Variants in LRRC37A2 observed in about 807,000 individuals in gnomAD.
LRRC37A2 encodes the protein leucine rich repeat containing 37 member A2.
In LRRC37A2, 9 loss-of-function variants were observed where a neutral mutation model predicts 68.8. That is an observed-to-expected ratio of 0.13 (90% CI 0.08 to 0.23). LRRC37A2 has a LOEUF of 0.23. Ranked by LOEUF, LRRC37A2 falls within the 10% of genes least tolerant of loss-of-function variation. The pLI is 1.00. For missense variants in LRRC37A2, 168 were observed against 950.4 expected (o/e 0.18, Z 10.82); for synonymous variants, 63 against 367.6 (o/e 0.17, Z 9.48).
chr17:46,648,481 CA>C, the LRRC37A2 span, among the ~76,000 whole-genome samples: 1 of 125,508 alleles, frequency 8.0e-6, no homozygotes, highest in Non-Finnish European at 1.5e-5. Flanking sequence ...CATTTATAGA[CA>C]GACTTTAAGA....
At chr17:46,823,136 A>T in the LRRC37A2 span, among the ~76,000 whole-genome samples, 2 of 132,900 alleles carry the variant, frequency 1.5e-5, no homozygotes, top group South Asian at 2.2e-4. Context: ...TATTATATAT[A>T]TTATATTATA....
chr17:46,801,346 A>G, the LRRC37A2 span, among the ~76,000 whole-genome samples: 1 of 152,228 alleles, frequency 6.6e-6, no homozygotes, highest in African/African-American at 2.4e-5. Flanking sequence ...GTGGCCGGGC[A>G]CGGTGGCTCA....
chr17:46,812,452 C>T, the LRRC37A2 span, among the ~76,000 whole-genome samples: 3 of 152,196 alleles, frequency 2.0e-5, no homozygotes, highest in Non-Finnish European at 4.4e-5. Context: ...GCAACTTCTG[C>T]TCAGGCTGCT....
At chr17:46,892,184 G>A in the LRRC37A2 span, among the ~76,000 whole-genome samples, 1 of 152,032 alleles carries the variant, frequency 6.6e-6, no homozygotes. Context: ...CTCCCAAAGT[G>A]CTGGGATTAC....
At chr17:46,946,284 A>C in the LRRC37A2 span, among the ~76,000 whole-genome samples, 2 of 6,638 alleles carry the variant, frequency 3.0e-4, no homozygotes, top group Admixed American at 0.01. Context: ...AAAAATACCA[A>C]AAAAAAAAAA....
At chr17:46,804,971 G>C in the LRRC37A2 span, among the ~76,000 whole-genome samples, 1 of 120,566 alleles carries the variant, frequency 8.3e-6, no homozygotes, top group Non-Finnish European at 1.6e-5. Context: ...CGCCTTCCAT[G>C]CTGTGGAAAC....
chr17:46,941,813 TG>T, the LRRC37A2 span: 1 of 342,094 alleles, frequency 2.9e-6, no homozygotes, highest in Non-Finnish European at 4.1e-6. Flanking sequence ...CTTAAACTCC[TG>T]GCCTCAAGTG....
chr17:47,028,704 T>A, the LRRC37A2 span, among the ~76,000 whole-genome samples: 15 of 151,838 alleles, frequency 9.9e-5, no homozygotes, highest in Non-Finnish European at 2.2e-4. Flanking sequence ...GGTCAGGAAT[T>A]CAACACCAGC....
intron 6 of LRRC37A2, among the ~76,000 whole-genome samples, chr17:46,539,212 GAAAAAAAA>G (rs1166753209): frequency 2.0e-4 from 8 of 40,030 alleles, no homozygotes; most frequent in African/African-American, 3.0e-4. Flanking sequence ...CTCCATCTCA[GAAAAAAAA>G]AAAAAAAAAA....
the LRRC37A2 span, among the ~76,000 whole-genome samples, chr17:46,498,521 T>TACAGA: frequency 3.6e-5 from 5 of 137,690 alleles, no homozygotes; most frequent in African/African-American, 1.6e-4. Context: ...TTCAAGTAAC[T>TACAGA]ACAGAACATC....
chr17:46,458,259 C>T, the LRRC37A2 span, among the ~76,000 whole-genome samples: 1 of 108,786 alleles, frequency 9.2e-6, no homozygotes, highest in Non-Finnish European at 2.1e-5. Flanking sequence ...AAAACTGGAT[C>T]TCCAGGAAAT....
chr17:46,666,053 G>A, the LRRC37A2 span, among the ~76,000 whole-genome samples: 1 of 149,632 alleles, frequency 6.7e-6, no homozygotes, highest in Non-Finnish European at 1.5e-5. Context: ...CAGGGTGTGT[G>A]CTCCCCAAGA....
chr17:46,977,682 T>C, the LRRC37A2 span, among the ~76,000 whole-genome samples: 1 of 152,206 alleles, frequency 6.6e-6, no homozygotes, highest in Non-Finnish European at 1.5e-5. Flanking sequence ...CCCACCCCTA[T>C]GGGATGCAAC....
chr17:46,938,649 C>T, the LRRC37A2 span: 1 of 1,614,116 alleles, frequency 6.2e-7, no homozygotes, highest in Non-Finnish European at 8.5e-7. Flanking sequence ...GCTTGTCCAA[C>T]ACAGTGATGC....
downstream of LRRC37A2, chr17:46,560,505 T>G (rs2057489820): frequency 2.5e-5 from 1 of 40,746 alleles, no homozygotes; most frequent in African/African-American, 1.2e-4. Context: ...CCACCTGAAC[T>G]GCCCTCAGAG....
the LRRC37A2 span, among the ~76,000 whole-genome samples, chr17:46,775,403 G>A: frequency 4.6e-5 from 7 of 152,234 alleles, no homozygotes; most frequent in South Asian, 2.1e-4. Context: ...CCTGGGCACC[G>A]TGCAGGGGCA....
the LRRC37A2 span, chr17:47,049,057 T>C: frequency 1.6e-6 from 1 of 615,260 alleles, no homozygotes; most frequent in Non-Finnish European, 2.9e-6. Context: ...ATTTCATAGG[T>C]TTAGGATTGG....
chr17:46,928,782 C>T, the LRRC37A2 span, among the ~76,000 whole-genome samples: 1 of 152,190 alleles, frequency 6.6e-6, no homozygotes, highest in Non-Finnish European at 1.5e-5. Context: ...TACTTGTAAT[C>T]CACATGTCTT....
chr17:46,951,571 T>C, the LRRC37A2 span, among the ~76,000 whole-genome samples: 1 of 152,172 alleles, frequency 6.6e-6, no homozygotes, highest in Non-Finnish European at 1.5e-5. Context: ...GATTAGGAAC[T>C]TGTTCCCAGG....
Sources: allele counts gnomAD v4.1 joint callset (sites outside exome capture counted in the v4.1 genomes callset), GRCh38; gene constraint gnomAD v4.1.1; transcripts MANE v1.5; gene names NCBI Gene and HGNC (gene_info 2026-07-23, HGNC 2026-07-21).